NHSL1: variants seen among roughly 807,000 people sequenced by gnomAD.
NHSL1 encodes NHS like 1, also known as NHS-like protein 1.
In NHSL1, 48 loss-of-function variants were observed where a neutral mutation model predicts 95.0. That is an observed-to-expected ratio of 0.51 (90% CI 0.40 to 0.64). NHSL1 has a LOEUF of 0.64. Ranked by LOEUF, NHSL1 falls within the 30% of genes least tolerant of loss-of-function variation. The pLI is 0.00. For synonymous variants in NHSL1, 783 were observed against 833.9 expected (o/e 0.94, Z 1.05); for missense variants, 1,971 against 2,077.7 (o/e 0.95, Z 1.00).
intron 5 of NHSL1, among the ~76,000 whole-genome samples, chr6:138,437,442 ACAC>A (rs201103598): frequency 0.022 from 1,130 of 51,950 alleles, 215 homozygotes; most frequent in South Asian, 0.037. Context: ...ACACACACAC[ACAC>A]AAAAAAAAAA....
At chr6:138,547,099 A>ATCTG (rs1782829267), upstream of NHSL1, among the ~76,000 whole-genome samples, 1 of 152,128 alleles carries the variant, frequency 6.6e-6, no homozygotes, top group Non-Finnish European at 1.5e-5. Flanking sequence ...CAATCTATCT[A>ATCTG]TCTGTCTGTG....
intron 7 of NHSL1, among the ~76,000 whole-genome samples, chr6:138,428,789 G>GT (rs2128192846): frequency 6.6e-6 from 1 of 151,676 alleles, no homozygotes; most frequent in East Asian, 1.9e-4. Flanking sequence ...GTTTCAGGAG[G>GT]TTAAAAAAAA....
chr6:138,472,160 C>T (rs546886176), intron 3 of NHSL1, among the ~76,000 whole-genome samples: 63 of 134,078 alleles, frequency 4.7e-4, no homozygotes, highest in African/African-American at 1.6e-3. Flanking sequence ...CCAGCCTGGG[C>T]GACAGAGCAA....
intron 1 of NHSL1, among the ~76,000 whole-genome samples, chr6:138,578,672 T>C (rs2114479307): frequency 6.6e-6 from 1 of 152,362 alleles, no homozygotes; most frequent in Non-Finnish European, 1.5e-5. Context: ...GGTTATTATT[T>C]TTTTTAATCT....
chr6:138,520,978 C>A (rs1279464854), intron 1 of NHSL1, among the ~76,000 whole-genome samples: 2 of 152,114 alleles, frequency 1.3e-5, no homozygotes, highest in African/African-American at 4.8e-5. Flanking sequence ...AAAACTGAAG[C>A]CGAGAGACCA....
chr6:138,626,491 A>G (rs1190101147), intron 1 of NHSL1, among the ~76,000 whole-genome samples: 1 of 152,210 alleles, frequency 6.6e-6, no homozygotes, highest in African/African-American at 2.4e-5. Context: ...ATCCATTAAA[A>G]CACAGAATTT....
chr6:138,532,811 A>T (rs1272144443), intron 1 of NHSL1, among the ~76,000 whole-genome samples: 1 of 152,184 alleles, frequency 6.6e-6, no homozygotes. Context: ...GCATCATGGA[A>T]GATTCCAGGC....
At chr6:138,672,307 A>ATTTTTTTTT in intron 1 of NHSL1, among the ~76,000 whole-genome samples, 1 of 152,336 alleles carries the variant, frequency 6.6e-6, no homozygotes, top group African/African-American at 2.4e-5. Flanking sequence ...AGGAGAATAC[A>ATTTTTTTTT]TTATTTTTTA....
Position 138,431,708 on chromosome 6 carries a change from C to T in NHSL1, c.2637G>A (p.Gly879=). ...TTTCTGGTACCTTGGGCTTGGGCTT[C>T]CCCTTCCCGTTTGCTGGTGACACTG... ...LKSVSPANGK[G]KPKPKVPERK... Residue 879 remains glycine, a synonymous_variant, in exon 6 of 8, where the codon GGG becomes GGA. Transcript: ENST00000343505. The surrounding 1 kb of genome is among the most constrained non-coding windows in gnomAD (Gnocchi z 4.0). 1 of 1,551,744 alleles carries T rather than the reference C, an allele frequency of 6.4e-7. No homozygotes were observed. Among genetic ancestry groups the T allele is most frequent in the Non-Finnish European group, 8.7e-7 (1 of 1,146,988 alleles).
chr6:138,650,525 G>C (rs1785077258), intron 1 of NHSL1: 1 of 617,454 alleles, frequency 1.6e-6, no homozygotes, highest in Non-Finnish European at 3.1e-6. Flanking sequence ...AGGCCAGTAG[G>C]TTACAGCCTC....
intron 1 of NHSL1, among the ~76,000 whole-genome samples, chr6:138,565,957 GCAAA>G (rs912840686): frequency 4.3e-5 from 6 of 140,438 alleles, no homozygotes; most frequent in Non-Finnish European, 7.7e-5. Context: ...AAAAAAAAAA[GCAAA>G]CAAACAAACC....
chr6:138,496,408 CTTCATTGGCTACGAG>C, intron 1 of NHSL1, 37 bp from the exon 2 acceptor site: 1 of 1,545,786 alleles, frequency 6.5e-7, no homozygotes, highest in Non-Finnish European at 8.7e-7. Context: ...CAGGTGTCAA[CTTCATTGGCTACGAG>C]TTCATTACAT....
Position 138,496,380 on chromosome 6 carries a change from A to G in NHSL1, c.59-9T>C, listed in dbSNP as rs1780354212. The G allele has an allele frequency of 6.5e-7, 1 of 1,549,714 alleles. No homozygotes were observed. The highest frequency in any genetic ancestry group is 8.7e-7 in the Non-Finnish European group (1 of 1,146,776). ...ATCTAGGTTGGAAACCGCTATAGAAAAAAAGATAGAATACATTCAGGTGTC... is the reference window on the plus strand; with the variant it reads ...ATCTAGGTTGGAAACCGCTATAGAAGAAAAGATAGAATACATTCAGGTGTC... On this transcript the variant is annotated splice_polypyrimidine_tract_variant and intron_variant, in intron 1 of 7. Transcript: ENST00000343505.
chr6:138,437,425 CACACACACACACACACACACAAAA>C (rs1776239251), intron 5 of NHSL1, among the ~76,000 whole-genome samples: 1 of 35,480 alleles, frequency 2.8e-5, no homozygotes, highest in Non-Finnish European at 5.7e-5. Context: ...CACACACACA[CACACACACACACACACACACAAAA>C]AAAAAAAAAA....
At chr6:138,506,013 C>T (rs778868135) in intron 1 of NHSL1, among the ~76,000 whole-genome samples, 3 of 152,262 alleles carry the variant, frequency 2.0e-5, no homozygotes, top group South Asian at 4.1e-4. Flanking sequence ...TCTATAGACA[C>T]ACCCATTCAT....
intron 1 of NHSL1, among the ~76,000 whole-genome samples, chr6:138,672,494 CTAAAAGAA>C (rs201803902): frequency 0.034 from 5,098 of 152,052 alleles, 91 homozygotes; most frequent in Middle Eastern, 0.078. Context: ...CCATAGTATA[CTAAAAGAA>C]CACTTCAGCT....
chr6:138,438,036 T>G (rs1005581375), intron 5 of NHSL1, among the ~76,000 whole-genome samples: 12 of 152,252 alleles, frequency 7.9e-5, no homozygotes, highest in Admixed American at 7.2e-4. Flanking sequence ...ACTTAGTTGA[T>G]AAAGCAGCAG....
chr6:138,547,286 A>G (rs78897710), upstream of NHSL1, among the ~76,000 whole-genome samples: 343 of 151,940 alleles, frequency 2.3e-3, no homozygotes, highest in African/African-American at 7.8e-3. Flanking sequence ...TTCTATGATC[A>G]CAAGAATATA....
At chr6:138,678,239 T>C (rs1296293223) in intron 1 of NHSL1, among the ~76,000 whole-genome samples, 1 of 152,198 alleles carries the variant, frequency 6.6e-6, no homozygotes, top group African/African-American at 2.4e-5. Context: ...AGAAATTTCA[T>C]TTGTTCCTAT....
Sources: allele counts gnomAD v4.1 joint callset (sites outside exome capture counted in the v4.1 genomes callset), GRCh38; gene constraint gnomAD v4.1.1; non-coding constraint Gnocchi (gnomAD v3.1); transcripts MANE v1.5; gene names NCBI Gene and HGNC (gene_info 2026-07-23, HGNC 2026-07-21).